Variants in XRCC4 observed in about 807,000 individuals in gnomAD.
The protein encoded by XRCC4 is X-ray repair cross complementing 4, also known as DNA repair protein XRCC4.
In XRCC4, 28 loss-of-function variants were observed where a neutral mutation model predicts 39.1. The observed-to-expected ratio is 0.72, with a 90% confidence interval of 0.53 to 0.98. The LOEUF is 0.98. Among genes scored for constraint, XRCC4 ranks in the 50% least tolerant of loss-of-function variants. XRCC4 has a pLI of 0.00. For synonymous variants in XRCC4, 123 were observed against 126.4 expected (o/e 0.97, Z 0.18); for missense variants, 350 against 376.4 (o/e 0.93, Z 0.58).
chr5:83,103,025 T>TATATATATATATATATATATAC (rs943955057), intron 1 of XRCC4, among the ~76,000 whole-genome samples: 29 of 142,674 alleles, frequency 2.0e-4, no homozygotes, highest in African/African-American at 7.5e-4. Context: ...TATATATATA[T>TATATATATATATATATATATAC]ATATATGTCA....
At chr5:83,215,810 C>A (rs551289066) in intron 6 of XRCC4, among the ~76,000 whole-genome samples, 3 of 152,112 alleles carry the variant, frequency 2.0e-5, no homozygotes, top group African/African-American at 7.2e-5. Context: ...TCATATGAAA[C>A]ACAAAAATTA....
At chr5:83,373,114 C>T in the XRCC4 span, among the ~76,000 whole-genome samples, 1 of 151,902 alleles carries the variant, frequency 6.6e-6, no homozygotes, top group Non-Finnish European at 1.5e-5. Context: ...GCGGAAATCT[C>T]ACCTTCCTTC....
chr5:83,236,577 G>T (rs540893526), intron 6 of XRCC4, among the ~76,000 whole-genome samples: 2 of 152,012 alleles, frequency 1.3e-5, no homozygotes, highest in African/African-American at 4.8e-5. Context: ...ATGGATTAAA[G>T]ACTTAAATGT....
intron 6 of XRCC4, among the ~76,000 whole-genome samples, chr5:83,241,955 AGAGGAGGAGGAG>A (rs144761951): frequency 2.7e-5 from 4 of 148,492 alleles, no homozygotes; most frequent in African/African-American, 7.5e-5. Context: ...AGGAGGAGGA[AGAGGAGGAGGAG>A]GAGGAGGAGG....
chr5:83,186,320 A>G (rs76737843), intron 3 of XRCC4, among the ~76,000 whole-genome samples: 4,153 of 152,280 alleles, frequency 0.027, 161 homozygotes, highest in African/African-American at 0.084. Context: ...AGGATCTGCA[A>G]AGACCCTCTA....
chr5:83,235,152 TG>T (rs1304520740), intron 6 of XRCC4, among the ~76,000 whole-genome samples: 1 of 151,286 alleles, frequency 6.6e-6, no homozygotes, highest in Non-Finnish European at 1.5e-5. Context: ...CTAGGCAACA[TG>T]ATGAAAACCC....
At chr5:83,323,446 G>GTA (rs1477341600) in intron 7 of XRCC4, among the ~76,000 whole-genome samples, 6 of 152,030 alleles carry the variant, frequency 3.9e-5, no homozygotes, top group Admixed American at 3.9e-4. Flanking sequence ...ACACAGAAAT[G>GTA]TTAATTAAAC....
chr5:83,270,402 A>G (rs547495247), intron 7 of XRCC4, among the ~76,000 whole-genome samples: 2 of 152,224 alleles, frequency 1.3e-5, no homozygotes, highest in South Asian at 4.1e-4. Context: ...TGTCAGTCTC[A>G]TACTTCATGC....
intron 3 of XRCC4, among the ~76,000 whole-genome samples, chr5:83,130,551 C>G (rs1207335059): frequency 6.6e-6 from 1 of 152,132 alleles, no homozygotes; most frequent in African/African-American, 2.4e-5. Context: ...ATGGTACCAG[C>G]TCCTCTTTGT....
Position 83,134,154 on chromosome 5 carries a change from C to T in XRCC4, c.315+22951C>T, listed in dbSNP as rs117769834. ...TGATAGCAGGTCTCCGTCTCTTTCT[C>T]GCTTTCCCTATTTTCCTCTTGATTG... On this transcript the variant is annotated intron_variant, in intron 3 of 7. Coordinates refer to ENST00000396027, the MANE Select transcript of XRCC4 (RefSeq NM_003401.5). Among the ~76,000 whole-genome samples the T allele has an allele frequency of 1.6e-4, 24 of 152,150 alleles. No homozygotes were observed. In the East Asian group the frequency reaches 4.5e-3, roughly 28 times the overall value.
At chr5:83,360,577 G>C in the XRCC4 span, among the ~76,000 whole-genome samples, 1 of 152,058 alleles carries the variant, frequency 6.6e-6, no homozygotes, top group Non-Finnish European at 1.5e-5. Flanking sequence ...CCAGTTTTGA[G>C]CCTTGAACTA....
At chr5:83,290,757 A>G (rs995579786) in intron 7 of XRCC4, among the ~76,000 whole-genome samples, 1 of 151,802 alleles carries the variant, frequency 6.6e-6, no homozygotes, top group African/African-American at 2.4e-5. Context: ...AATAAATTGA[A>G]TTTTTATCCT....
intron 3 of XRCC4, among the ~76,000 whole-genome samples, chr5:83,180,392 T>G (rs192867852): frequency 1.3e-5 from 2 of 152,126 alleles, no homozygotes; most frequent in African/African-American, 4.8e-5. Context: ...AATCCAAATA[T>G]ATGAAATGAC....
At chr5:83,206,637 G>C (rs149361776) in intron 6 of XRCC4, among the ~76,000 whole-genome samples, 3 of 152,064 alleles carry the variant, frequency 2.0e-5, no homozygotes, top group Non-Finnish European at 4.4e-5. Context: ...GGCAGCTGGA[G>C]GAGGAAGTAG....
At chr5:83,197,761 T>C (rs1191198770) in intron 4 of XRCC4, among the ~76,000 whole-genome samples, 2 of 152,158 alleles carry the variant, frequency 1.3e-5, no homozygotes, top group Non-Finnish European at 2.9e-5. Context: ...GCTATTTTTT[T>C]GATAGTACTG....
At chr5:83,207,364 T>A (rs1751460737) in intron 6 of XRCC4, among the ~76,000 whole-genome samples, 1 of 152,080 alleles carries the variant, frequency 6.6e-6, no homozygotes, top group African/African-American at 2.4e-5. Context: ...TCCTTTCTCT[T>A]CAGAAATGTT....
intron 3 of XRCC4, among the ~76,000 whole-genome samples, chr5:83,150,184 C>G (rs1256120586): frequency 6.6e-6 from 1 of 152,118 alleles, no homozygotes; most frequent in Non-Finnish European, 1.5e-5. Flanking sequence ...GTAATACCAG[C>G]ACTCTTCATA....
chr5:83,239,015 T>C (rs1752801733), intron 6 of XRCC4, among the ~76,000 whole-genome samples: 1 of 152,226 alleles, frequency 6.6e-6, no homozygotes, highest in Admixed American at 6.5e-5. Context: ...AATAATTAAA[T>C]GTCTAATGAT....
chr5:83,182,407 C>G (rs767147803), intron 3 of XRCC4, among the ~76,000 whole-genome samples: 32 of 152,084 alleles, frequency 2.1e-4, no homozygotes, highest in Non-Finnish European at 4.3e-4. Context: ...TCCCAAAAAC[C>G]AAACATCTAA....
Sources: gnomAD v4.1 joint callset for allele counts (sites outside exome capture counted in the v4.1 genomes callset) on GRCh38, gnomAD v4.1.1 for gene constraint, MANE v1.5 for transcripts, NCBI Gene and HGNC (gene_info 2026-07-23, HGNC 2026-07-21) for gene names.